The following TRAF3 variants were observed in gnomAD, a reference collection of about 807,000 sequenced individuals.
The protein encoded by TRAF3 is TNF receptor associated factor 3, also known as TNF receptor-associated factor 3.
In TRAF3, 13 loss-of-function variants were observed where a neutral mutation model predicts 62.3. The ratio of observed to expected loss-of-function variants is 0.21; its 90% CI spans 0.14 to 0.33. TRAF3 has a LOEUF of 0.33. TRAF3 is among the 10% of genes least tolerant of loss of function. The pLI is 1.00. For missense variants in TRAF3, 440 were observed against 741.8 expected, an observed-to-expected ratio of 0.59 and a Z score of 4.73; for synonymous variants, 269 against 283.4, an observed-to-expected ratio of 0.95 and a Z score of 0.51.
At chr14:102,808,002 C>A (rs1050409630) in intron 1 of TRAF3, among the ~76,000 whole-genome samples, 1 of 152,112 alleles carries the variant, frequency 6.6e-6, no homozygotes, top group East Asian at 1.9e-4. Flanking sequence ...TAAGACACGT[C>A]TGAAAGAAAT....
chr14:102,778,336 C>T lies in TRAF3; in HGVS notation c.-157+661C>T, dbSNP rs182677707. Among the ~76,000 whole-genome samples, 1,018 of 152,048 alleles carry T rather than the reference C, an allele frequency of 6.7e-3. 11 individuals carry two copies. Among genetic ancestry groups the T allele is most frequent in the African/African-American group, 0.024 (986 of 41,534 alleles). On this transcript the variant is annotated intron_variant, in intron 1 of 11. Coordinates refer to ENST00000392745, the MANE Select transcript of TRAF3 (RefSeq NM_145725.3). ...CGGCTCTCGGCGGGCTGGCCGGTTC[C>T]ACGCCGCCAGCCAGCCCCGTGTGGG...
chr14:102,887,486 C>T (rs933436717), intron 7 of TRAF3, among the ~76,000 whole-genome samples: 3 of 152,246 alleles, frequency 2.0e-5, no homozygotes, highest in African/African-American at 4.8e-5. Flanking sequence ...ACAGTGGCCT[C>T]TGGGCCCTGA....
At chr14:102,832,238 C>G (rs1005862390) in intron 2 of TRAF3, among the ~76,000 whole-genome samples, 1 of 152,100 alleles carries the variant, frequency 6.6e-6, no homozygotes, top group African/African-American at 2.4e-5. Context: ...GGTGAGAACA[C>G]TTTACATTTT....
At chr14:102,882,567 G>GT (rs386382371) in intron 6 of TRAF3, among the ~76,000 whole-genome samples, 52,468 of 136,886 alleles carry the variant, frequency 0.38, 12,582 homozygotes, top group African/African-American at 0.7. Context: ...CATGTATTTT[G>GT]TTTTTTTTTT....
At chr14:102,800,982 C>CCTGGCCAACAT (rs879498515) in intron 1 of TRAF3, among the ~76,000 whole-genome samples, 1 of 150,778 alleles carries the variant, frequency 6.6e-6, no homozygotes, top group Non-Finnish European at 1.5e-5. Context: ...ATCGAGACCA[C>CCTGGCCAACAT]GGTGAAACCC....
At chr14:102,891,833 C>A (rs1889734640) in intron 9 of TRAF3, among the ~76,000 whole-genome samples, 1 of 152,136 alleles carries the variant, frequency 6.6e-6, no homozygotes. Flanking sequence ...GCTTGAGATA[C>A]TGACTACTTG....
intron 1 of TRAF3, among the ~76,000 whole-genome samples, chr14:102,814,225 G>A (rs771469904): frequency 6.6e-6 from 1 of 152,184 alleles, no homozygotes. Context: ...GTTGGCTGTA[G>A]ATATGCAGGT....
At chr14:102,824,692 G>A (rs540776108) in intron 1 of TRAF3, among the ~76,000 whole-genome samples, 48 of 152,168 alleles carry the variant, frequency 3.2e-4, no homozygotes, top group Non-Finnish European at 6.3e-4. Flanking sequence ...ATGTAAATGC[G>A]CGTTAATGAT....
chr14:102,888,336 C>A (rs1889518854), intron 7 of TRAF3, among the ~76,000 whole-genome samples: 1 of 152,222 alleles, frequency 6.6e-6, no homozygotes, highest in African/African-American at 2.4e-5. Context: ...CAGGTTCCTA[C>A]CACCTTGACT....
intron 1 of TRAF3, among the ~76,000 whole-genome samples, chr14:102,785,827 C>T (rs767112756): frequency 2.6e-5 from 4 of 152,250 alleles, no homozygotes; most frequent in East Asian, 1.9e-4. Flanking sequence ...CTGTGAATAA[C>T]GGAATGCAGC....
chr14:102,786,863 T>C (rs1288255889), intron 1 of TRAF3, among the ~76,000 whole-genome samples: 1 of 152,014 alleles, frequency 6.6e-6, no homozygotes. Flanking sequence ...GGTGGCGTGC[T>C]CCTGTAGTCC....
intron 2 of TRAF3, among the ~76,000 whole-genome samples, chr14:102,847,447 T>C (rs1886792547): frequency 6.6e-6 from 1 of 152,146 alleles, no homozygotes; most frequent in Admixed American, 6.6e-5. Context: ...AGTGCTGGGA[T>C]TACAACATGA....
intron 11 of TRAF3, among the ~76,000 whole-genome samples, chr14:102,904,780 A>G (rs1372580423): frequency 4.3e-5 from 6 of 140,926 alleles, no homozygotes; most frequent in African/African-American, 1.7e-4. Flanking sequence ...ACTGCACTCC[A>G]GCCTGGGCGA....
At chr14:102,859,423 CACTT>C (rs1887560849) in intron 2 of TRAF3, among the ~76,000 whole-genome samples, 1 of 152,188 alleles carries the variant, frequency 6.6e-6, no homozygotes, top group South Asian at 2.1e-4. Context: ...TAAGGTCTGA[CACTT>C]ACTAGCATAG....
In TRAF3 at chr14:102,905,878, A is replaced by G; in HGVS notation, c.*94A>G. ...CTGAGGTCCTCGCGCTCAGAAAAGG[A>G]CCTTGTGAGACGGAGGAAGCGGCAG... On this transcript the variant is annotated 3_prime_UTR_variant, in exon 12 of 12. Coordinates refer to ENST00000392745, the MANE Select transcript of TRAF3 (RefSeq NM_145725.3). 1 of 1,183,626 alleles carries G rather than the reference A, an allele frequency of 8.4e-7. No individual in the cohort carries two copies. The highest frequency in any genetic ancestry group is 1.2e-6 in the Non-Finnish European group (1 of 838,032). 73.3% of individuals were successfully genotyped at this position (1,183,626 alleles called of 1,614,324 possible).
At chr14:102,899,211 T>A (rs1890154184) in intron 10 of TRAF3, among the ~76,000 whole-genome samples, 15 of 152,208 alleles carry the variant, frequency 9.9e-5, no homozygotes, top group Admixed American at 9.8e-4. Flanking sequence ...GGGACCACTG[T>A]GGGGTTGGTG....
At chr14:102,822,827 A>C (rs1900062972) in intron 1 of TRAF3, among the ~76,000 whole-genome samples, 1 of 152,114 alleles carries the variant, frequency 6.6e-6, no homozygotes, top group Non-Finnish European at 1.5e-5. Flanking sequence ...ACCAACATGG[A>C]GAAACCCTGT....
At chr14:102,877,153 C>G (rs1360540480) in intron 6 of TRAF3, among the ~76,000 whole-genome samples, 1 of 148,356 alleles carries the variant, frequency 6.7e-6, no homozygotes, top group African/African-American at 2.5e-5. Flanking sequence ...ATCCGTTCCA[C>G]AGGCCTTCCG....
At chr14:102,791,051 G>C (rs369201341) in intron 1 of TRAF3, among the ~76,000 whole-genome samples, 1 of 144,486 alleles carries the variant, frequency 6.9e-6, no homozygotes, top group African/African-American at 2.6e-5. Context: ...AGGGAGTCTC[G>C]CTCTGTTCCC....
Sources: gnomAD v4.1 joint callset for allele counts (sites outside exome capture counted in the v4.1 genomes callset) on GRCh38, gnomAD v4.1.1 for gene constraint, MANE v1.5 for transcripts, NCBI Gene and HGNC (gene_info 2026-07-23, HGNC 2026-07-21) for gene names.